NPAS3: variants seen among roughly 807,000 people sequenced by gnomAD.
NPAS3 encodes neuronal PAS domain protein 3, also known as neuronal PAS domain-containing protein 3.
In NPAS3, 14 loss-of-function variants were observed where a neutral mutation model predicts 73.1. That is an observed-to-expected ratio of 0.19 (90% confidence interval 0.13 to 0.30). The LOEUF (loss-of-function observed/expected upper bound fraction) is 0.30, where lower values mean the gene tolerates loss of function less well. Among genes scored for constraint, NPAS3 ranks in the 10% least tolerant of loss-of-function variants. The pLI, the probability that NPAS3 is intolerant of heterozygous loss-of-function variation, is 1.00. For synonymous variants in NPAS3, 620 were observed against 541.5 expected (o/e 1.14, Z -2.01); for missense variants, 1,096 against 1,250.0 (o/e 0.88, Z 1.86).
intron 6 of NPAS3, among the ~76,000 whole-genome samples, chr14:33,699,182 A>ATTTT (rs1202968879): frequency 1.3e-5 from 2 of 152,216 alleles, no homozygotes; most frequent in East Asian, 3.8e-4. Context: ...GTTAACTTTC[A>ATTTT]TTTTAACGTT....
chr14:33,570,655 A>G (rs951740755), intron 5 of NPAS3, among the ~76,000 whole-genome samples: 1 of 152,224 alleles, frequency 6.6e-6, no homozygotes, highest in Non-Finnish European at 1.5e-5. Context: ...ACTGGGACTC[A>G]TTCAGCTCTT....
chr14:33,155,771 C>G (rs565801294), intron 2 of NPAS3, among the ~76,000 whole-genome samples: 1 of 152,220 alleles, frequency 6.6e-6, no homozygotes, highest in Admixed American at 6.5e-5. Context: ...CCTCTGTCTT[C>G]ATGTTGTAGA....
intron 3 of NPAS3, among the ~76,000 whole-genome samples, chr14:33,236,559 T>G (rs1480729006): frequency 1.3e-5 from 2 of 152,090 alleles, no homozygotes; most frequent in Admixed American, 1.3e-4. Flanking sequence ...GAATATCAGG[T>G]GCAGTGTGAG....
chr14:32,942,376 A>G (rs2036054027), intron 1 of NPAS3, among the ~76,000 whole-genome samples: 1 of 152,238 alleles, frequency 6.6e-6, no homozygotes. Context: ...TGTAAATTTC[A>G]GAAAAATAAG....
intron 4 of NPAS3, among the ~76,000 whole-genome samples, chr14:33,559,519 C>CA (rs541268677): frequency 6.2e-4 from 94 of 151,268 alleles, no homozygotes; most frequent in Non-Finnish European, 6.2e-4. Flanking sequence ...CCACTGAATC[C>CA]AAAAAAAATA....
At chr14:33,007,236 C>CA (rs2039031607) in intron 1 of NPAS3, among the ~76,000 whole-genome samples, 1 of 152,196 alleles carries the variant, frequency 6.6e-6, no homozygotes. Flanking sequence ...CCGGCGCAAG[C>CA]ATCCTGGATG....
intron 1 of NPAS3, among the ~76,000 whole-genome samples, chr14:33,052,784 C>G (rs2040755304): frequency 6.6e-6 from 1 of 152,098 alleles, no homozygotes; most frequent in Non-Finnish European, 1.5e-5. Context: ...TTCTGGTTTT[C>G]TGTCTATAAT....
At chr14:33,414,451 A>G (rs1185525021) in intron 4 of NPAS3, among the ~76,000 whole-genome samples, 1 of 152,154 alleles carries the variant, frequency 6.6e-6, no homozygotes, top group East Asian at 1.9e-4. Context: ...CGGTTCAAAG[A>G]AAAAAAGATA....
chr14:33,405,076 A>G (rs2047606323), intron 4 of NPAS3, among the ~76,000 whole-genome samples: 2 of 152,050 alleles, frequency 1.3e-5, no homozygotes, highest in Non-Finnish European at 2.9e-5. Flanking sequence ...ATTTCTGCAG[A>G]AAGCCTTGCT....
chr14:33,208,105 G>GT (rs5807707), intron 2 of NPAS3, among the ~76,000 whole-genome samples: 107,945 of 150,296 alleles, frequency 0.72, 38,849 homozygotes, highest in African/African-American at 0.76. Context: ...TAAAACTGCA[G>GT]TTTTTTTTTT....
At chr14:33,229,768 A>G (rs918960333) in intron 3 of NPAS3, among the ~76,000 whole-genome samples, 4 of 152,266 alleles carry the variant, frequency 2.6e-5, no homozygotes, top group Non-Finnish European at 1.5e-5. Context: ...AAACAAAAAA[A>G]TCTTTTGTCA....
intron 6 of NPAS3, among the ~76,000 whole-genome samples, chr14:33,689,870 C>A (rs1215635744): frequency 6.6e-6 from 1 of 152,144 alleles, no homozygotes; most frequent in East Asian, 1.9e-4. Context: ...TTCCCTTTTT[C>A]TAAGGCTAGC....
intron 4 of NPAS3, among the ~76,000 whole-genome samples, chr14:33,389,256 C>T (rs894183000): frequency 1.3e-5 from 2 of 152,196 alleles, no homozygotes; most frequent in African/African-American, 4.8e-5. Context: ...AAGTTTTCAT[C>T]ATCGCGACTG....
chr14:33,040,776 G>T (rs1221784337), intron 1 of NPAS3, among the ~76,000 whole-genome samples: 1 of 152,160 alleles, frequency 6.6e-6, no homozygotes, highest in African/African-American at 2.4e-5. Context: ...TGCAAAATGT[G>T]GTTAGTGAAT....
At chr14:33,215,463 G>T in intron 3 of NPAS3, 37 bp downstream of exon 3, 1 of 1,605,612 alleles carries the variant, frequency 6.2e-7, no homozygotes, top group Middle Eastern at 1.7e-4. Flanking sequence ...GAATATGATG[G>T]TCTGTAGGGG....
At chr14:33,793,636 T>G (rs142166659) in intron 9 of NPAS3, among the ~76,000 whole-genome samples, 4 of 152,344 alleles carry the variant, frequency 2.6e-5, no homozygotes, top group Non-Finnish European at 5.9e-5. Flanking sequence ...AGTCCTTTTA[T>G]TCTTTTCACA....
intron 3 of NPAS3, among the ~76,000 whole-genome samples, chr14:33,324,336 C>A (rs975139947): frequency 6.6e-6 from 1 of 152,124 alleles, no homozygotes; most frequent in Non-Finnish European, 1.5e-5. Context: ...CAGTCGGGGA[C>A]CTTCTTGCCA....
At chr14:33,232,838 G>A (rs1449645015) in intron 3 of NPAS3, among the ~76,000 whole-genome samples, 4 of 151,424 alleles carry the variant, frequency 2.6e-5, no homozygotes, top group Admixed American at 6.6e-5. Context: ...AAAGCAGCCA[G>A]TGCAAAGCAG....
Position 33,231,019 on chromosome 14 carries a change from C to T in NPAS3, c.385+15593C>T, listed in dbSNP as rs545932027. On this transcript the variant is annotated intron_variant, in intron 3 of 11. Coordinates refer to ENST00000356141, the Ensembl canonical transcript of NPAS3. ...TTCTAAAGATAGTCATTCAGGTGAC[C>T]TGCTAGATCATACTTCATTGTTACT... Among the ~76,000 whole-genome samples the T allele has an allele frequency of 4.6e-5, 7 of 152,248 alleles. No homozygotes were observed. The South Asian group carries it at 1.2e-3, about 27-fold the overall frequency.
Sources: allele counts gnomAD v4.1 joint callset (sites outside exome capture counted in the v4.1 genomes callset), GRCh38; gene constraint gnomAD v4.1.1; transcripts MANE v1.5; gene names NCBI Gene and HGNC (gene_info 2026-07-23, HGNC 2026-07-21).